SIGLEC12: variants seen among roughly 807,000 people sequenced by gnomAD.
SIGLEC12 encodes sialic acid binding Ig like lectin 12.
SIGLEC12 carries 43 observed loss-of-function variants against 54.1 expected under a neutral mutation model. That is an observed-to-expected ratio of 0.80 (90% CI 0.62 to 1.03). SIGLEC12 has a LOEUF of 1.03. Among genes scored for constraint, SIGLEC12 ranks in the 50% least tolerant of loss-of-function variants. SIGLEC12 has a pLI of 0.00. For synonymous variants in SIGLEC12, 357 were observed against 307.6 expected (o/e 1.16, Z -1.68); for missense variants, 802 against 735.2 (o/e 1.09, Z -1.05).
In SIGLEC12 at chr19:51,500,767, C is replaced by G. The variant is rs1014658401; in HGVS notation, c.428-467G>C. Among the ~76,000 whole-genome samples, 3 of 151,708 alleles carry G rather than the reference C, an allele frequency of 2.0e-5. No homozygotes were observed. In the East Asian group the frequency reaches 5.8e-4, roughly 29 times the overall value. On this transcript the variant is annotated intron_variant, in intron 1 of 7. Coordinates refer to ENST00000291707, the MANE Select transcript of SIGLEC12 (RefSeq NM_053003.4). ...CTCGGGGCATGAGAGATGGAGGGGC[C>G]GTGTGCTGAGTCTCCCTGTCCAGGC...
rs1309302865 is a variant in SIGLEC12, at chr19:51,491,846, A to G, written c.1600-17T>C. 1.3e-6 allele frequency: 2 copies of G among 1,539,308 alleles called. No homozygotes were observed. Among genetic ancestry groups the G allele is most frequent in the South Asian group, 1.3e-5 (1 of 79,784 alleles). Reference sequence around the variant, plus strand: ...CAGGGGTCCCTGAATGGAGGAAGAGAAGGGAGTCAGTGCAGAGCAGTGGGG... The same window carrying G: ...CAGGGGTCCCTGAATGGAGGAAGAGGAGGGAGTCAGTGCAGAGCAGTGGGG... On this transcript the variant is annotated splice_polypyrimidine_tract_variant and intron_variant, in intron 7 of 7. Transcript: ENST00000291707.
chr19:51,500,221 C>A lies in SIGLEC12; in HGVS notation c.507G>T (p.Val169=). Reference sequence around the variant, plus strand: ...AATGGGGGTAAAGGACACTGCAGGGCACAGAGACACACAGACCCTCCTGCA... The same window carrying A: ...AATGGGGGTAAAGGACACTGCAGGGAACAGAGACACACAGACCCTCCTGCA... The part of the protein sequence containing the change: ...VTVQEGLCVS[V]PCSVLYPHYN... The change falls in exon 2 of 8, where the codon GTG becomes GTT. Residue 169 remains valine, a synonymous_variant. Coordinates refer to ENST00000291707, the MANE Select transcript of SIGLEC12 (RefSeq NM_053003.4). The A allele has an allele frequency of 1.2e-6, 2 of 1,614,206 alleles. No homozygotes were observed. The highest frequency in any genetic ancestry group is 1.7e-6 in the Non-Finnish European group (2 of 1,180,024).
At chr19:51,497,581 C>A (rs953998316) in intron 5 of SIGLEC12, 136 bp from the exon 6 acceptor site, 5 of 618,820 alleles carry the variant, frequency 8.1e-6, no homozygotes, top group Non-Finnish European at 1.4e-5. Flanking sequence ...CGGAAGGGAA[C>A]TTCTCCTGAG....
rs1319341737 is a variant in SIGLEC12 at position 51,501,603 on chromosome 19, C to G, written c.131G>C (p.Cys44Ser). Residue 44 changes from cysteine (C) to serine (S), a missense_variant, in exon 1 of 8, where the codon TGC becomes TCC. By Grantham distance (112) the Cys-to-Ser change is moderately radical. Transcript: ENST00000291707. Reference sequence around the variant, plus strand: ...GCCATTTTGGGGGTAGGAGAAGGAGCAAAGCACAGAGACACACAGGCCCTC... The same window carrying G: ...GCCATTTTGGGGGTAGGAGAAGGAGGAAAGCACAGAGACACACAGGCCCTC... ...VQEGLCVSVL[C>S]SFSYPQNGWT... 6.2e-7 allele frequency: 1 copy of G among 1,613,978 alleles called. No homozygotes were observed. The highest frequency in any genetic ancestry group is 8.5e-7 in the Non-Finnish European group (1 of 1,179,992).
At chr19:51,495,308 G>A (rs1442471184) in intron 7 of SIGLEC12, among the ~76,000 whole-genome samples, 9 of 107,242 alleles carry the variant, frequency 8.4e-5, no homozygotes, top group South Asian at 4.0e-4. Context: ...CGGACGGACG[G>A]GTGGGTGGAT....
In SIGLEC12 at chr19:51,501,298, G is replaced by A; in HGVS notation, c.427+9C>T. The A allele has an allele frequency of 1.9e-6, 3 of 1,613,714 alleles. No homozygotes were observed. Among genetic ancestry groups the A allele is most frequent in the Non-Finnish European group, 2.5e-6 (3 of 1,179,660 alleles). ...TTGCCTTTGGCCTCTCTTGGAGCCC[G>A]TGCCTTACCTGTCACATTCACAGAG... On this transcript the variant is annotated intron_variant, in intron 1 of 7. Coordinates refer to ENST00000291707, the MANE Select transcript of SIGLEC12 (RefSeq NM_053003.4).
At chr19:51,495,305 A>G (rs867260894) in intron 7 of SIGLEC12, among the ~76,000 whole-genome samples, 58 of 64,132 alleles carry the variant, frequency 9.0e-4, no homozygotes, top group Non-Finnish European at 1.3e-3. Context: ...GGACGGACGG[A>G]CGGGTGGGTG....
intron 2 of SIGLEC12, 86 bp downstream of exon 2, chr19:51,499,834 C>T: frequency 6.4e-7 from 1 of 1,551,828 alleles, no homozygotes; most frequent in South Asian, 1.2e-5. Context: ...ACCTCCAACT[C>T]CCTCCCAGGA....
Position 51,500,136 on chromosome 19 carries a change from G to T in SIGLEC12, c.592C>A (p.Pro198Thr), listed in dbSNP as rs201420747. ...TTTGTGGCCACTGGAATATCCCATG[G>T]TATATCGGCCCCTTCCTTGAACCAG... ...GSWFKEGADI[P>T]WDIPVATNTP... is the part of the protein sequence containing the mutation. The change falls in exon 2 of 8, where the codon CCA becomes ACA. Residue 198 changes from proline (P) to threonine (T), a missense_variant. Transcript: ENST00000291707. 6.5e-5 allele frequency: 105 copies of T among 1,614,092 alleles called. 1 individual carries two copies. In the East Asian group the frequency reaches 2.3e-3, roughly 35 times the overall value.
Position 51,501,364 on chromosome 19 carries a change from C to G in SIGLEC12, c.370G>C (p.Glu124Gln). Residue 124 changes from glutamate to glutamine, a missense_variant, in exon 1 of 8, where the codon GAG becomes CAG. Transcript: ENST00000291707. ...TAATTCCATTTCATATTTCCTCTCT[C>G]TACACAAAAGACGTATGTCCCTGCA... is the stretch of plus-strand genomic sequence containing the variant. ...SDAGTYVFCV[E>Q]RGNMKWNYKY... 6.2e-7 allele frequency: 1 copy of G among 1,614,246 alleles called. No homozygotes were observed. The highest frequency in any genetic ancestry group is 1.1e-5 in the South Asian group (1 of 91,086).
intron 7 of SIGLEC12, among the ~76,000 whole-genome samples, chr19:51,495,242 T>C (rs376894178): frequency 3.4e-5 from 4 of 118,810 alleles, no homozygotes; most frequent in East Asian, 5.8e-4. Context: ...GATGGATGGA[T>C]GGATGGACGG....
intron 5 of SIGLEC12, 51 bp downstream of exon 5, chr19:51,497,967 C>T (rs1990284462): frequency 6.2e-7 from 1 of 1,600,372 alleles, no homozygotes. Context: ...CCAGCTGGAC[C>T]CTGAGGGTGG....
Position 51,499,988 on chromosome 19 carries a change from T to C in SIGLEC12, c.740A>G (p.Tyr247Cys), listed in dbSNP as rs774188660. The C allele has an allele frequency of 3.1e-6, 5 of 1,614,130 alleles. No individual in the cohort carries two copies. The South Asian group carries it at 4.4e-5, about 14-fold the overall frequency. Residue 247 changes from tyrosine to cysteine, a missense_variant, in exon 2 of 8, where the codon TAC becomes TGC. Physicochemically the swap from Tyr to Cys is radical, Grantham distance 194. Transcript: ENST00000291707. ...CCTGCTTCCTCTCTCCACCTGGAAG[T>C]AGTACTTCCCTGAATCCCCCTTCCT... The part of the protein sequence containing the change: ...DARKGDSGKY[Y>C]FQVERGSRKW...
intron 3 of SIGLEC12, 35 bp downstream of exon 3, chr19:51,499,403 G>A (rs377152692): frequency 2.4e-5 from 37 of 1,546,036 alleles, no homozygotes; most frequent in East Asian, 4.5e-5. Context: ...AAGGAATCCC[G>A]ATCAAAGACC....
Position 51,491,812 on chromosome 19 carries a change from G to T in SIGLEC12, c.1617C>A (p.Ser539=), listed in dbSNP as rs978176180. The T allele has an allele frequency of 6.3e-7, 1 of 1,575,632 alleles. No homozygotes were observed. The highest frequency in any genetic ancestry group is 1.8e-5 in the Admixed American group (1 of 56,650). Residue 539 remains serine (S), a synonymous_variant, in exon 8 of 8, where the codon TCC becomes TCA. Coordinates refer to ENST00000291707, the MANE Select transcript of SIGLEC12 (RefSeq NM_053003.4). ...GGTGTGGGGGGCTGTCATCTGCCGG[G>T]GATTCAATCAGGGGTCCCTGAATGG... ...GSASQGPLIE[S]PADDSPPHHA... is the part of the protein sequence containing the mutation.
Position 51,501,618 on chromosome 19 carries a change from C to T in SIGLEC12, c.116G>A (p.Cys39Tyr). Residue 39 changes from cysteine to tyrosine, a missense_variant, in exon 1 of 8, where the codon TGT (cysteine) becomes TAT (tyrosine). Physicochemically the swap from Cys to Tyr is radical, Grantham distance 194. Coordinates refer to ENST00000291707, the MANE Select transcript of SIGLEC12 (RefSeq NM_053003.4). Reference sequence around the variant, plus strand: ...GGAGAAGGAGCAAAGCACAGAGACACACAGGCCCTCCTGCACCGTCACGGA... The same window carrying T: ...GGAGAAGGAGCAAAGCACAGAGACATACAGGCCCTCCTGCACCGTCACGGA... ...QKSVTVQEGLCVSVLCSFSYP... is the reference protein window; with the variant it reads ...QKSVTVQEGLYVSVLCSFSYP... The T allele has an allele frequency of 1.2e-6, 2 of 1,614,152 alleles. No homozygotes were observed. Among genetic ancestry groups the T allele is most frequent in the Non-Finnish European group, 8.5e-7 (1 of 1,179,986 alleles).
At chr19:51,497,958 C>A in intron 5 of SIGLEC12, 60 bp downstream of exon 5, 1 of 1,592,846 alleles carries the variant, frequency 6.3e-7, no homozygotes, top group East Asian at 2.2e-5. Context: ...CCAGGTCTCC[C>A]AGCTGGACCC....
In SIGLEC12 at chr19:51,498,213, C is replaced by T. The variant is rs28676678; in HGVS notation, c.1210G>A (p.Asp404Asn). 1.3e-4 allele frequency: 215 copies of T among 1,614,038 alleles called. No individual in the cohort carries two copies. The highest frequency in any genetic ancestry group is 1.8e-4 in the Non-Finnish European group (209 of 1,179,980). The part of the protein sequence containing the change: ...GQSLHLVCAV[D>N]SNPPARLSWT... ...CTCAGCCTGGCAGGGGGATTGCTGT[C>T]GACAGCACAGACAAGGTGCAGGGAC... Residue 404 changes from aspartate to asparagine, a missense_variant, in exon 5 of 8, where the codon GAC becomes AAC. Physicochemically the swap from Asp to Asn is conservative, Grantham distance 23. Transcript: ENST00000291707.
In SIGLEC12 at chr19:51,501,423, C is replaced by T; in HGVS notation, c.311G>A (p.Cys104Tyr). 6.2e-7 allele frequency: 1 copy of T among 1,614,230 alleles called. No homozygotes were observed. Among genetic ancestry groups the T allele is most frequent in the South Asian group, 1.1e-5 (1 of 91,092 alleles). ...HLLGDPQNKD[C>Y]TLSIRDTRES... ...TCTGGTGTCTCTGATGCTCAGGGTACAATCCTTGTTCTGTGGGTCCCCAAG... is the reference window on the plus strand; with the variant it reads ...TCTGGTGTCTCTGATGCTCAGGGTATAATCCTTGTTCTGTGGGTCCCCAAG... The change falls in exon 1 of 8, where the codon TGT becomes TAT. Residue 104 changes from cysteine (C) to tyrosine (Y), a missense_variant. Cys to Tyr is a radical substitution (Grantham distance 194). Transcript: ENST00000291707.
Sources: allele counts gnomAD v4.1 joint callset (sites outside exome capture counted in the v4.1 genomes callset), GRCh38; gene constraint gnomAD v4.1.1; transcripts MANE v1.5; gene names NCBI Gene and HGNC (gene_info 2026-07-23, HGNC 2026-07-21).